PARL: variants seen among roughly 807,000 people sequenced by gnomAD.
The protein encoded by PARL is presenilin associated rhomboid like, also known as presenilin-associated rhomboid-like protein, mitochondrial.
A neutral mutation model predicts 51.6 loss-of-function variants in PARL; 44 were observed. That is an observed-to-expected ratio of 0.85 (90% CI 0.67 to 1.10). The LOEUF (loss-of-function observed/expected upper bound fraction) is 1.10. Among genes scored for constraint, PARL ranks in the 50% least tolerant of loss-of-function variants. The probability of loss-of-function intolerance (pLI) is 0.00; values close to 1 mark genes in which losing one functional copy is unlikely to be tolerated. For missense variants in PARL, 441 were observed against 469.5 expected (o/e 0.94, Z 0.56); for synonymous variants, 172 against 164.0 (o/e 1.05, Z -0.37).
At chr3:183,848,816 C>CT (rs964726273) in intron 4 of PARL, among the ~76,000 whole-genome samples, 1 of 152,094 alleles carries the variant, frequency 6.6e-6, no homozygotes, top group Non-Finnish European at 1.5e-5. Flanking sequence ...AAATAAGAGA[C>CT]TAATCAAAAA....
intron 4 of PARL, among the ~76,000 whole-genome samples, chr3:183,852,659 A>C (rs2108638046): frequency 6.6e-6 from 1 of 152,330 alleles, no homozygotes; most frequent in South Asian, 2.1e-4. Flanking sequence ...GATTACAGGC[A>C]TGAGCCACCA....
At position 183,861,006 on chromosome 3, in the gene PARL, G is replaced by A. The variant is rs550760307; in HGVS notation, c.511+1747C>T. Among the ~76,000 whole-genome samples the A allele has an allele frequency of 2.6e-4, 39 of 152,136 alleles. 2 individuals are homozygous for A. In the South Asian group the frequency reaches 7.7e-3, roughly 30 times the overall value. ...ATTTTTTGTATTTTTAGTAGAGATG[G>A]GGTTTCACCGTGTTGGCCAGGCTGG... On this transcript the variant is annotated intron_variant, in intron 4 of 9. Transcript: ENST00000317096.
intron 1 of PARL, among the ~76,000 whole-genome samples, chr3:183,882,263 A>ATT (rs1444972986): frequency 2.8e-4 from 16 of 57,146 alleles, no homozygotes; most frequent in African/African-American, 8.0e-4. Flanking sequence ...ATATATATAT[A>ATT]TATATTTATA....
At chr3:183,881,789 A>C (rs1222327081) in intron 1 of PARL, among the ~76,000 whole-genome samples, 4 of 152,162 alleles carry the variant, frequency 2.6e-5, no homozygotes, top group Non-Finnish European at 5.9e-5. Context: ...GGGAGGATGG[A>C]TTCTACATAA....
At chr3:183,837,841 G>C (rs1468428522) in intron 7 of PARL, among the ~76,000 whole-genome samples, 1 of 152,186 alleles carries the variant, frequency 6.6e-6, no homozygotes, top group Non-Finnish European at 1.5e-5. Context: ...GCCGGGTGTA[G>C]TGGCTCACAC....
chr3:183,855,284 GCTTT>G (rs1418526033), intron 4 of PARL, among the ~76,000 whole-genome samples: 2 of 152,118 alleles, frequency 1.3e-5, no homozygotes, highest in Admixed American at 1.3e-4. Context: ...ATTTACTTTG[GCTTT>G]CTATTTTTAT....
At chr3:183,828,943 C>T (rs971837923), downstream of PARL, among the ~76,000 whole-genome samples, 11 of 152,302 alleles carry the variant, frequency 7.2e-5, no homozygotes, top group Admixed American at 3.3e-4. Context: ...TTCAGTGAGA[C>T]GCTTCAATTA....
At chr3:183,850,391 CCT>C (rs902229751) in intron 4 of PARL, among the ~76,000 whole-genome samples, 2 of 152,116 alleles carry the variant, frequency 1.3e-5, no homozygotes, top group Non-Finnish European at 2.9e-5. Context: ...TTTTCTTTGT[CCT>C]CTCTTCTTCT....
intron 9 of PARL, 130 bp from the exon 10 acceptor site, chr3:183,829,839 C>T (rs1727716323): frequency 1.3e-6 from 1 of 780,612 alleles, no homozygotes; most frequent in East Asian, 2.5e-5. Flanking sequence ...TTAAAACTGA[C>T]TCACATCGAG....
intron 1 of PARL, among the ~76,000 whole-genome samples, chr3:183,875,781 A>AT (rs1733737099): frequency 6.6e-6 from 1 of 152,216 alleles, no homozygotes; most frequent in African/African-American, 2.4e-5. Context: ...ACAGCCTTCT[A>AT]TTGGAAGAAG....
intron 1 of PARL, among the ~76,000 whole-genome samples, chr3:183,878,716 A>T: frequency 6.6e-6 from 1 of 152,148 alleles, no homozygotes; most frequent in East Asian, 1.9e-4. Flanking sequence ...CTCATTAAAA[A>T]CATTGTAATT....
At chr3:183,866,518 C>T in intron 3 of PARL, 107 bp downstream of exon 3, 2 of 863,898 alleles carry the variant, frequency 2.3e-6, no homozygotes, top group Non-Finnish European at 3.9e-6. Flanking sequence ...TTCATTATTA[C>T]ACATTATGTG....
At chr3:183,880,594 G>A (rs1253574385) in intron 1 of PARL, among the ~76,000 whole-genome samples, 1 of 151,880 alleles carries the variant, frequency 6.6e-6, no homozygotes, top group East Asian at 1.9e-4. Context: ...TAGAGAGGGG[G>A]TTTCACCACG....
chr3:183,881,709 G>A (rs1196927526), intron 1 of PARL, among the ~76,000 whole-genome samples: 1 of 152,138 alleles, frequency 6.6e-6, no homozygotes, highest in African/African-American at 2.4e-5. Flanking sequence ...AGTGAGCTAT[G>A]ATAGTGCCAC....
chr3:183,832,660 C>A (rs1426419518), intron 9 of PARL, among the ~76,000 whole-genome samples: 1 of 152,156 alleles, frequency 6.6e-6, no homozygotes, highest in Admixed American at 6.5e-5. Context: ...GCTGACGGGT[C>A]TCCCACGATC....
intron 7 of PARL, among the ~76,000 whole-genome samples, chr3:183,834,893 A>AAG (rs1397867716): frequency 1.1e-4 from 16 of 147,182 alleles, no homozygotes; most frequent in African/African-American, 4.0e-4. Flanking sequence ...ATACAAAAAA[A>AAG]AAAAAAAAAA....
At chr3:183,864,765 ACT>A (rs2108673456) in intron 3 of PARL, among the ~76,000 whole-genome samples, 1 of 150,736 alleles carries the variant, frequency 6.6e-6, no homozygotes, top group Non-Finnish European at 1.5e-5. Context: ...AACAAGTGAG[ACT>A]CTGTCTCAAA....
At chr3:183,880,591 G>C (rs1423835465) in intron 1 of PARL, among the ~76,000 whole-genome samples, 3 of 151,662 alleles carry the variant, frequency 2.0e-5, no homozygotes, top group African/African-American at 7.3e-5. Flanking sequence ...TAGTAGAGAG[G>C]GGGTTTCACC....
At chr3:183,860,053 A>G (rs35047344) in intron 4 of PARL, among the ~76,000 whole-genome samples, 7,456 of 151,852 alleles carry the variant, frequency 0.049, 217 homozygotes, top group East Asian at 0.078. Context: ...CAAAATATAA[A>G]ACGAAAAAAA....
Sources: allele counts gnomAD v4.1 joint callset (sites outside exome capture counted in the v4.1 genomes callset), GRCh38; gene constraint gnomAD v4.1.1; transcripts MANE v1.5; gene names NCBI Gene and HGNC (gene_info 2026-07-23, HGNC 2026-07-21).